The following JMJD1C variants were observed in gnomAD, a reference collection of about 807,000 sequenced individuals.
The protein encoded by JMJD1C is jumonji domain-containing protein 1C.
Under a neutral mutation model 245.3 loss-of-function variants are expected in JMJD1C, and 31 were observed. The observed-to-expected ratio is 0.13, with a 90% CI of 0.09 to 0.17. The LOEUF (loss-of-function observed/expected upper bound fraction) is 0.17, where lower values mean the gene tolerates loss of function less well. JMJD1C is among the 10% of genes least tolerant of loss of function. The pLI is 1.00. For synonymous variants in JMJD1C, 1,057 were observed against 1,017.4 expected (o/e 1.04, Z -0.74); for missense variants, 2,691 against 3,000.2 (o/e 0.90, Z 2.41).
At chr10:63,508,184 T>C (rs1954778612) in intron 1 of JMJD1C, among the ~76,000 whole-genome samples, 2 of 152,246 alleles carry the variant, frequency 1.3e-5, no homozygotes, top group African/African-American at 4.8e-5. Flanking sequence ...TCTTGATTGA[T>C]TTCTTTTGCA....
At chr10:63,409,485 T>G (rs1206409404) in intron 1 of JMJD1C, among the ~76,000 whole-genome samples, 1 of 152,102 alleles carries the variant, frequency 6.6e-6, no homozygotes, top group Admixed American at 6.5e-5. Context: ...TAAATTCCTG[T>G]GAGATTTTAA....
chr10:63,334,957 C>A (rs183894144), intron 2 of JMJD1C, among the ~76,000 whole-genome samples: 1 of 150,356 alleles, frequency 6.7e-6, no homozygotes, highest in Admixed American at 6.7e-5. Context: ...ATCCTCCCGC[C>A]TCTGCCTCTC....
At chr10:63,492,459 G>A (rs1954208273) in intron 1 of JMJD1C, among the ~76,000 whole-genome samples, 1 of 151,978 alleles carries the variant, frequency 6.6e-6, no homozygotes, top group African/African-American at 2.4e-5. Context: ...TGAGGTCAGG[G>A]GTTTAAGACC....
intron 2 of JMJD1C, among the ~76,000 whole-genome samples, chr10:63,341,859 T>A (rs895839389): frequency 2.6e-5 from 4 of 152,158 alleles, no homozygotes; most frequent in Admixed American, 6.6e-5. Flanking sequence ...ACTGTAGGTG[T>A]GGAAGGTTTT....
intron 2 of JMJD1C, among the ~76,000 whole-genome samples, chr10:63,361,465 T>G (rs1005981872): frequency 6.6e-6 from 1 of 152,084 alleles, no homozygotes; most frequent in African/African-American, 2.4e-5. Context: ...AACTTGATAC[T>G]TGTATACCTA....
intron 2 of JMJD1C, among the ~76,000 whole-genome samples, chr10:63,296,024 T>TTTTTTTTCTTAGATGGAGTTTCACTC (rs1859392996): frequency 8.2e-6 from 1 of 122,592 alleles, no homozygotes; most frequent in Non-Finnish European, 1.8e-5. Flanking sequence ...TTTTTTTTTT[T>TTTTTTTTCTTAGATGGAGTTTCACTC]TTCTTAGATG....
At position 63,222,298 on chromosome 10, in the gene JMJD1C, G is replaced by C. The variant is rs778217515; in HGVS notation, c.448-2315C>G. 3.1e-6 allele frequency: 4 copies of C among 1,285,916 alleles called. No homozygotes were observed. The African/African-American group carries it at 4.4e-5, about 14-fold the overall frequency. 79.7% of individuals were successfully genotyped at this position (1,285,916 alleles called of 1,614,324 possible). Reference sequence around the variant, plus strand: ...TCGAGATTGGTGTTAAAAAGTTTATGATTACAGGTGGAAATCTACAAGACA... The same window carrying C: ...TCGAGATTGGTGTTAAAAAGTTTATCATTACAGGTGGAAATCTACAAGACA... On this transcript the variant is annotated intron_variant, in intron 3 of 25. Transcript: ENST00000399262.
intron 2 of JMJD1C, among the ~76,000 whole-genome samples, chr10:63,314,192 C>A (rs1453707710): frequency 6.6e-6 from 1 of 152,162 alleles, no homozygotes; most frequent in East Asian, 1.9e-4. Context: ...TTCCCCACTT[C>A]ATGTTTTTGT....
At chr10:63,245,468 C>A in intron 3 of JMJD1C, among the ~76,000 whole-genome samples, 1 of 127,294 alleles carries the variant, frequency 7.9e-6, no homozygotes, top group Admixed American at 8.3e-5. Context: ...GGAGCTTCTG[C>A]AGGGGAACTC....
chr10:63,273,253 G>A (rs1468920883), intron 2 of JMJD1C, among the ~76,000 whole-genome samples: 1 of 152,098 alleles, frequency 6.6e-6, no homozygotes, highest in Non-Finnish European at 1.5e-5. Flanking sequence ...GAGTGCAGTG[G>A]AGCTATCAGC....
intron 3 of JMJD1C, among the ~76,000 whole-genome samples, chr10:63,230,242 C>T (rs2133380876): frequency 6.6e-6 from 1 of 152,156 alleles, no homozygotes; most frequent in South Asian, 2.1e-4. Flanking sequence ...CATGGTGGCG[C>T]TTGCCTGTAA....
intron 23 of JMJD1C, 23 bp from the exon 24 acceptor site, chr10:63,176,496 C>T (rs751299983): frequency 3.8e-6 from 6 of 1,564,870 alleles, no homozygotes; most frequent in Admixed American, 1.7e-5. Flanking sequence ...TTAAAATAGA[C>T]ACTCCAATTT....
chr10:63,319,497 C>T (rs1940579041), intron 2 of JMJD1C, among the ~76,000 whole-genome samples: 1 of 151,562 alleles, frequency 6.6e-6, no homozygotes, highest in South Asian at 2.1e-4. Flanking sequence ...AATTTCTCAC[C>T]TCTCTCTTTT....
intron 1 of JMJD1C, among the ~76,000 whole-genome samples, chr10:63,445,054 C>CATAGTCTCTACAAAAAAACAT (rs1026667412): frequency 6.6e-6 from 1 of 151,934 alleles, no homozygotes; most frequent in African/African-American, 2.4e-5. Context: ...TAGTGATACC[C>CATAGTCTCTACAAAAAAACAT]AGTCTCTACA....
intron 1 of JMJD1C, among the ~76,000 whole-genome samples, chr10:63,416,549 G>A (rs1454667772): frequency 6.6e-6 from 1 of 152,100 alleles, no homozygotes; most frequent in African/African-American, 2.4e-5. Flanking sequence ...GGGGAAAACT[G>A]TCTTTTTGGC....
intron 2 of JMJD1C, among the ~76,000 whole-genome samples, chr10:63,342,637 G>A (rs1039952178): frequency 2.0e-5 from 3 of 152,302 alleles, no homozygotes; most frequent in Non-Finnish European, 4.4e-5. Context: ...TAATGCTACT[G>A]TGCTGATTAG....
intron 2 of JMJD1C, among the ~76,000 whole-genome samples, chr10:63,353,700 T>C (rs1031858422): frequency 1.3e-5 from 2 of 150,218 alleles, no homozygotes; most frequent in South Asian, 4.2e-4. Flanking sequence ...AGAGATGGGG[T>C]TTAACCATAT....
chr10:63,208,528 C>A lies in JMJD1C; in HGVS notation c.3141G>T (p.Glu1047Asp). 6.2e-7 allele frequency: 1 copy of A among 1,613,938 alleles called. No individual in the cohort carries two copies. The change falls in exon 10 of 26, where the codon GAG becomes GAT. Residue 1047 changes from glutamate (E) to aspartate (D), a missense_variant. By Grantham distance (45) the Glu-to-Asp change is conservative. Transcript: ENST00000399262. ...TKIKGLEGER[E>D]NYSRVASSSS... The stretch of plus-strand genomic sequence containing the variant: ...ATGATGATGCCACTCTGGAATAATT[C>A]TCTCTCTCACCCTCAAGTCCCTTGA...
chr10:63,360,926 A>C (rs1945271440), intron 2 of JMJD1C, among the ~76,000 whole-genome samples: 1 of 152,086 alleles, frequency 6.6e-6, no homozygotes, highest in Non-Finnish European at 1.5e-5. Context: ...CTGGGATTAC[A>C]TGCGTGAGCC....
Sources: gnomAD v4.1 joint callset for allele counts (sites outside exome capture counted in the v4.1 genomes callset) on GRCh38, gnomAD v4.1.1 for gene constraint, MANE v1.5 for transcripts, NCBI Gene and HGNC (gene_info 2026-07-23, HGNC 2026-07-21) for gene names.